GATA3: variants seen among roughly 807,000 people sequenced by gnomAD.
GATA3 encodes the protein trans-acting T-cell-specific transcription factor GATA-3.
In GATA3, 6 loss-of-function variants were observed where a neutral mutation model predicts 36.0. That is an observed-to-expected ratio of 0.17 (90% CI 0.09 to 0.33). The LOEUF (loss-of-function observed/expected upper bound fraction) is 0.33. GATA3 is among the 10% of genes least tolerant of loss of function. The pLI, the probability that GATA3 is intolerant of heterozygous loss-of-function variation, is 1.00. For missense variants in GATA3, 514 were observed against 610.1 expected, an observed-to-expected ratio of 0.84 and a Z score of 1.66; for synonymous variants, 326 against 273.0, an observed-to-expected ratio of 1.19 and a Z score of -1.92.
Position 8,074,449 on chromosome 10 carries a change from A to C in GATA3, c.*426A>C. On this transcript the variant is annotated 3_prime_UTR_variant, in exon 6 of 6. Coordinates refer to ENST00000379328, the MANE Select transcript of GATA3 (RefSeq NM_001002295.2). ...ACTAGGTCTGATATTCAAATGGACA[A>C]ACTGCCAGTTTTGTTTCCTTTCACT... 4.1e-6 allele frequency: 1 copy of C among 243,812 alleles called. No homozygotes were observed. Among genetic ancestry groups the C allele is most frequent in the East Asian group, 5.9e-5 (1 of 16,876 alleles). The allele number at this position is 243,812 out of a possible 1,614,324, so 15.1% of individuals were successfully genotyped here.
chr10:8,069,769 G>T (rs11567929), intron 5 of GATA3, among the ~76,000 whole-genome samples, 171 bp downstream of exon 5: 2 of 152,096 alleles, frequency 1.3e-5, no homozygotes. Context: ...TAGCATAGCC[G>T]TGCTGAGGCC....
upstream of GATA3, chr10:8,050,808 T>A: frequency 2.5e-6 from 1 of 394,676 alleles, no homozygotes; most frequent in Non-Finnish European, 5.1e-6. Flanking sequence ...CACGCTCAAA[T>A]GACCGCCCCG....
upstream of GATA3, among the ~76,000 whole-genome samples, chr10:8,052,000 C>G (rs1271310097): frequency 2.0e-5 from 3 of 152,200 alleles, no homozygotes; most frequent in African/African-American, 4.8e-5. Context: ...GCCCTGTGCT[C>G]CGGGCTCCGG....
upstream of GATA3, among the ~76,000 whole-genome samples, chr10:8,049,672 T>C (rs1451833191): frequency 6.6e-6 from 1 of 152,152 alleles, no homozygotes; most frequent in African/African-American, 2.4e-5. Flanking sequence ...ACCTGTGCTA[T>C]AGTCCTATCC....
At chr10:8,047,634 C>G (rs998097131) in intron 1 of GATA3, among the ~76,000 whole-genome samples, 3 of 152,204 alleles carry the variant, frequency 2.0e-5, no homozygotes, top group Non-Finnish European at 2.9e-5. Context: ...CGGCAGCGGG[C>G]AAGAAGCTGC....
chr10:8,051,325 T>G, upstream of GATA3: 1 of 278,068 alleles, frequency 3.6e-6, no homozygotes, highest in South Asian at 3.2e-5. Flanking sequence ...GGGTTTCGGA[T>G]AGGCCAAGCC....
upstream of GATA3, chr10:8,050,860 A>C (rs764666231): frequency 4.7e-6 from 2 of 421,714 alleles, no homozygotes; most frequent in Non-Finnish European, 9.6e-6. Flanking sequence ...CGGGATTAGT[A>C]ACTTTAGGAC....
chr10:8,071,439 T>G (rs1419185571), intron 5 of GATA3, among the ~76,000 whole-genome samples: 2 of 152,348 alleles, frequency 1.3e-5, no homozygotes, highest in Admixed American at 1.3e-4. Context: ...AGCTATATGT[T>G]TTTTTGAATA....
rs779251216 is a variant in GATA3 at position 8,069,612 on chromosome 10, G to A, written c.1050+14G>A. 3.7e-6 allele frequency: 6 copies of A among 1,614,000 alleles called. No homozygotes were observed. In the Admixed American group the frequency reaches 1.0e-4, roughly 27 times the overall value. Reference sequence around the variant, plus strand: ...AAGCTTCACAATGTAAGTGGACTGGGATCAGCAAGAACAGGGCTCGCTTCC... The same window carrying A: ...AAGCTTCACAATGTAAGTGGACTGGAATCAGCAAGAACAGGGCTCGCTTCC... On this transcript the variant is annotated intron_variant, in intron 5 of 5. Transcript: ENST00000379328.
chr10:8,052,544 C>T (rs1832523877), upstream of GATA3: 3 of 152,254 alleles, frequency 2.0e-5, no homozygotes, highest in African/African-American at 4.8e-5. Flanking sequence ...AGCTTTTGGT[C>T]TTACGCGTGG....
At chr10:8,050,653 C>T (rs1588367485), upstream of GATA3, 1 of 220,976 alleles carries the variant, frequency 4.5e-6, no homozygotes, top group South Asian at 5.1e-5. Context: ...ACCGCCCAGG[C>T]AGGCGCCGGG....
intron 1 of GATA3, among the ~76,000 whole-genome samples, chr10:8,046,967 C>G (rs1307596598): frequency 6.6e-6 from 1 of 152,160 alleles, no homozygotes; most frequent in African/African-American, 2.4e-5. Context: ...GCCCATCCTC[C>G]ACTCTGCACA....
chr10:8,065,770 G>A (rs531570121), intron 4 of GATA3, among the ~76,000 whole-genome samples: 10 of 123,548 alleles, frequency 8.1e-5, no homozygotes, highest in South Asian at 2.8e-4. Flanking sequence ...AAAAGCTGCC[G>A]GATATCTGAG....
chr10:8,064,390 G>A lies in GATA3; in HGVS notation c.924+252G>A, dbSNP rs3781092. On this transcript the variant is annotated intron_variant, in intron 4 of 5. Coordinates refer to ENST00000379328, the MANE Select transcript of GATA3 (RefSeq NM_001002295.2). Reference sequence around the variant, plus strand: ...TTTCCCCATCCATGTTTCTTAAGTCGCTTGTGAACATTTTAAGGAGACTGA... The same window carrying A: ...TTTCCCCATCCATGTTTCTTAAGTCACTTGTGAACATTTTAAGGAGACTGA... Among the ~76,000 whole-genome samples, 31,312 of 143,072 alleles carry A rather than the reference G, an allele frequency of 0.22. 3,345 individuals carry two copies. Among genetic ancestry groups the A allele is most frequent in the East Asian group, 0.27 (1,304 of 4,864 alleles). The allele number at this position is 143,072 out of a possible 152,430, so 93.9% of individuals were successfully genotyped here.
intron 2 of GATA3, 77 bp from the exon 3 acceptor site, chr10:8,058,228 C>G: frequency 2.7e-6 from 4 of 1,504,348 alleles, no homozygotes; most frequent in Non-Finnish European, 3.7e-6. Flanking sequence ...GTAGAGATTC[C>G]CCAGGTGTCC....
intron 2 of GATA3, among the ~76,000 whole-genome samples, chr10:8,057,909 G>A (rs1404015655): frequency 6.6e-6 from 1 of 152,304 alleles, no homozygotes; most frequent in East Asian, 1.9e-4. Context: ...GGAACTCAGG[G>A]CCATTGAAGG....
chr10:8,064,209 A>ATCTCTTTC (rs1832795586), intron 4 of GATA3, 71 bp downstream of exon 4: 1 of 1,594,030 alleles, frequency 6.3e-7, no homozygotes, highest in Non-Finnish European at 8.6e-7. Flanking sequence ...TTCCGGAAGG[A>ATCTCTTTC]CAGCTTTCTG....
chr10:8,060,176 T>C (rs577260783), intron 3 of GATA3, among the ~76,000 whole-genome samples: 1 of 152,332 alleles, frequency 6.6e-6, no homozygotes, highest in South Asian at 2.1e-4. Flanking sequence ...TTTTAGCTAA[T>C]CCAATTATTT....
At chr10:8,050,903 C>A, upstream of GATA3, 2 of 481,988 alleles carry the variant, frequency 4.1e-6, no homozygotes. Flanking sequence ...GCCTGTTACC[C>A]AGGTCGGGCA....
Sources: gnomAD v4.1 joint callset for allele counts (sites outside exome capture counted in the v4.1 genomes callset) on GRCh38, gnomAD v4.1.1 for gene constraint, MANE v1.5 for transcripts, NCBI Gene and HGNC (gene_info 2026-07-23, HGNC 2026-07-21) for gene names.